PDE1C: variants seen among roughly 807,000 people sequenced by gnomAD.
PDE1C encodes the protein dual specificity calcium/calmodulin-dependent 3',5'-cyclic nucleotide phosphodiesterase 1C.
Under a neutral mutation model 93.1 loss-of-function variants are expected in PDE1C, and 62 were observed. The ratio of observed to expected loss-of-function variants is 0.67; its 90% CI spans 0.54 to 0.82. The LOEUF is 0.82. PDE1C is among the 40% of genes least tolerant of loss of function. The pLI is 0.00. For missense variants in PDE1C, 742 were observed against 884.6 expected (o/e 0.84, Z 2.04); for synonymous variants, 325 against 310.1 (o/e 1.05, Z -0.50).
chr7:31,772,684 A>G (rs1795576089), intron 17 of PDE1C, among the ~76,000 whole-genome samples: 1 of 152,222 alleles, frequency 6.6e-6, no homozygotes, highest in African/African-American at 2.4e-5. Context: ...AAATGTTTTC[A>G]TCTCCTAATG....
At chr7:32,253,267 G>A (rs1288235212) in intron 1 of PDE1C, among the ~76,000 whole-genome samples, 1 of 152,202 alleles carries the variant, frequency 6.6e-6, no homozygotes, top group Non-Finnish European at 1.5e-5. Context: ...CAGACTCCCT[G>A]AAGCCTTATT....
chr7:31,887,337 T>G (rs941705264), intron 2 of PDE1C, among the ~76,000 whole-genome samples: 9 of 152,226 alleles, frequency 5.9e-5, no homozygotes, highest in East Asian at 1.9e-4. Flanking sequence ...AGCCTACTTA[T>G]GTAGCTTTTA....
intron 12 of PDE1C, among the ~76,000 whole-genome samples, chr7:31,826,623 T>G (rs1271575965): frequency 6.6e-6 from 1 of 152,152 alleles, no homozygotes; most frequent in African/African-American, 2.4e-5. Flanking sequence ...ATCTCAGCTT[T>G]GCGTTCAGCC....
At chr7:32,147,771 A>G (rs1460833329) in intron 3 of PDE1C, among the ~76,000 whole-genome samples, 1 of 151,716 alleles carries the variant, frequency 6.6e-6, no homozygotes, top group African/African-American at 2.4e-5. Flanking sequence ...TGAGGGGTTG[A>G]GATAGTCCTG....
chr7:32,098,155 G>C (rs998237050), intron 3 of PDE1C, among the ~76,000 whole-genome samples: 1 of 141,858 alleles, frequency 7.0e-6, no homozygotes, highest in Non-Finnish European at 1.5e-5. Flanking sequence ...GCGTGAACCC[G>C]GGAGGCGGAG....
At chr7:31,837,777 T>C (rs1181565537) in intron 10 of PDE1C, 93 bp downstream of exon 10, 4 of 791,464 alleles carry the variant, frequency 5.1e-6, no homozygotes, top group Middle Eastern at 2.3e-4. Context: ...TAAAGTTGTG[T>C]TAAAGGAGAT....
intron 3 of PDE1C, among the ~76,000 whole-genome samples, chr7:32,109,892 G>A (rs1798549508): frequency 6.6e-6 from 1 of 152,120 alleles, no homozygotes; most frequent in Non-Finnish European, 1.5e-5. Flanking sequence ...GCACAGTCAA[G>A]ATGAAACAAA....
intron 1 of PDE1C, 23 bp from the exon 2 acceptor site, chr7:32,051,603 A>C (rs2072182): frequency 6.2e-7 from 1 of 1,610,576 alleles, no homozygotes; most frequent in African/African-American, 1.3e-5. Context: ...GCATAAACAT[A>C]TATCAGAAAA....
In PDE1C at chr7:32,116,642, G is replaced by A. The variant is rs32293; in HGVS notation, c.308+53143C>T. Among the ~76,000 whole-genome samples the A allele has an allele frequency of 3.7e-3, 559 of 152,318 alleles. 4 individuals carry two copies. Among genetic ancestry groups the A allele is most frequent in the African/African-American group, 0.013 (539 of 41,564 alleles). ...CCTGGGGAGAGAGGAATGATGAGCT[G>A]TTGGAAACCACAGAAGGTGCAGTAA... On this transcript the variant is annotated intron_variant, in intron 3 of 18. Transcript: ENST00000396193.
At position 32,009,720 on chromosome 7, in the gene PDE1C, CA is replaced by C. The variant is rs1321542266; in HGVS notation, c.128+41833del. Among the ~76,000 whole-genome samples the C allele has an allele frequency of 2.0e-5, 3 of 152,134 alleles. No individual in the cohort carries two copies. In the East Asian group the frequency reaches 5.8e-4, roughly 29 times the overall value. ...GCAATGAAAAGAAAGAAAACGTATGCAGACTGGAAAAGAAGAAGTAAAACTG... is the reference window on the plus strand; with the variant it reads ...GCAATGAAAAGAAAGAAAACGTATGCGACTGGAAAAGAAGAAGTAAAACTG... On this transcript the variant is annotated intron_variant, in intron 2 of 17. Transcript: ENST00000396191.
At chr7:31,673,826 TATA>T in the PDE1C span, among the ~76,000 whole-genome samples, 1 of 152,188 alleles carries the variant, frequency 6.6e-6, no homozygotes, top group Non-Finnish European at 1.5e-5. Context: ...TTGATGAAAT[TATA>T]ATATCAGAGC....
At chr7:32,314,029 A>G (rs1057493713) in intron 1 of PDE1C, among the ~76,000 whole-genome samples, 16 of 152,174 alleles carry the variant, frequency 1.1e-4, no homozygotes, top group African/African-American at 3.1e-4. Flanking sequence ...GTTACTACTA[A>G]GCCAATAAAA....
chr7:32,423,088 C>T (rs1443863983), intron 1 of PDE1C, among the ~76,000 whole-genome samples: 1 of 152,128 alleles, frequency 6.6e-6, no homozygotes, highest in Non-Finnish European at 1.5e-5. Flanking sequence ...AAATGCAACC[C>T]TCAAGTCCAG....
intron 2 of PDE1C, chr7:32,169,984 G>A: frequency 6.3e-7 from 1 of 1,596,834 alleles, no homozygotes. Flanking sequence ...GAGAGATGCA[G>A]GTGAATCATC....
rs529055596 is a variant in PDE1C, at chr7:31,965,715, C to T, written c.129-84855G>A. Among the ~76,000 whole-genome samples the T allele has an allele frequency of 5.3e-5, 8 of 152,272 alleles. No homozygotes were observed. The South Asian group carries it at 1.5e-3, about 28-fold the overall frequency. ...GTTAAGGGCAGCCAGAGAGAAAGGTCGGGTTACCCACAAAGGGAAGCCCAT... is the reference window on the plus strand; with the variant it reads ...GTTAAGGGCAGCCAGAGAGAAAGGTTGGGTTACCCACAAAGGGAAGCCCAT... On this transcript the variant is annotated intron_variant, in intron 2 of 17. Coordinates refer to ENST00000396191, the MANE Select transcript of PDE1C (RefSeq NM_001191057.4).
intron 1 of PDE1C, among the ~76,000 whole-genome samples, chr7:32,381,768 A>G (rs1784539548): frequency 6.6e-6 from 1 of 152,134 alleles, no homozygotes. Context: ...TTATCCTTGA[A>G]AGAATATATT....
chr7:31,962,907 A>G (rs549825244), intron 2 of PDE1C, among the ~76,000 whole-genome samples: 2 of 152,302 alleles, frequency 1.3e-5, no homozygotes, highest in Admixed American at 1.3e-4. Flanking sequence ...ACATGAACAC[A>G]TCAAAAGGCT....
At position 32,153,961 on chromosome 7, in the gene PDE1C, T is replaced by TA. The variant is rs541655556; in HGVS notation, c.308+15823dup. Among the ~76,000 whole-genome samples the TA allele has an allele frequency of 1.4e-3, 220 of 152,356 alleles. 5 individuals carry two copies. In the East Asian group the frequency reaches 0.039, roughly 27 times the overall value. Reference sequence around the variant, plus strand: ...ATTCCTAGTGATATTTTATAATTTTTAAAAAAGTACGGCCAGGCGCAATGG... The same window carrying TA: ...ATTCCTAGTGATATTTTATAATTTTTAAAAAAAGTACGGCCAGGCGCAATGG... On this transcript the variant is annotated intron_variant, in intron 3 of 18. Transcript: ENST00000396193.
At chr7:31,697,171 C>A in the PDE1C span, 2 of 1,588,996 alleles carry the variant, frequency 1.3e-6, no homozygotes. Context: ...AGGTCAAGAA[C>A]CTTACCATCT....
Sources: gnomAD v4.1 joint callset for allele counts (sites outside exome capture counted in the v4.1 genomes callset) on GRCh38, gnomAD v4.1.1 for gene constraint, MANE v1.5 for transcripts, NCBI Gene and HGNC (gene_info 2026-07-23, HGNC 2026-07-21) for gene names.